Variants in PTPRD observed in about 807,000 individuals in gnomAD.
PTPRD encodes receptor-type tyrosine-protein phosphatase delta.
Under a neutral mutation model 214.5 loss-of-function variants are expected in PTPRD, and 34 were observed. The ratio of observed to expected loss-of-function variants is 0.16; its 90% CI spans 0.12 to 0.21. The LOEUF (loss-of-function observed/expected upper bound fraction) is 0.21, where lower values mean the gene tolerates loss of function less well. Ranked by LOEUF, PTPRD falls within the 10% of genes least tolerant of loss-of-function variation. PTPRD has a pLI of 1.00. For missense variants in PTPRD, 2,545 were observed against 2,398.7 expected (o/e 1.06, Z -1.27); for synonymous variants, 1,128 against 845.7 (o/e 1.33, Z -5.79).
chr9:8,413,331 T>C (rs2093670696), intron 35 of PTPRD, among the ~76,000 whole-genome samples: 1 of 152,174 alleles, frequency 6.6e-6, no homozygotes, highest in Admixed American at 6.5e-5. Flanking sequence ...AATTAACTTT[T>C]GTTAATGTTC....
At chr9:10,249,874 A>G (rs758409296) in intron 3 of PTPRD, among the ~76,000 whole-genome samples, 4 of 152,180 alleles carry the variant, frequency 2.6e-5, no homozygotes, top group African/African-American at 9.6e-5. Flanking sequence ...AATGACTGCT[A>G]CATTTGAAAA....
chr9:8,317,568 T>C lies in PTPRD; in HGVS notation c.*306A>G, dbSNP rs891150390. 4.4e-5 allele frequency: 14 copies of C among 319,544 alleles called. No homozygotes were observed. The South Asian group carries it at 5.2e-4, about 12-fold the overall frequency. The allele number at this position is 319,544 out of a possible 1,614,324, so 19.8% of individuals were successfully genotyped here. A position where few individuals can be genotyped will look rare whatever the true frequency, so the allele number is the denominator to read the frequency against. On this transcript the variant is annotated 3_prime_UTR_variant, in exon 46 of 46. Transcript: ENST00000381196. ...ACCTTTCAAGCAATCCTGAATAAGA[T>C]GGTGGTTCTTTGCTGTGATTTCTTC...
chr9:10,176,699 C>G (rs1233165417), intron 3 of PTPRD, among the ~76,000 whole-genome samples: 1 of 151,952 alleles, frequency 6.6e-6, no homozygotes, highest in Non-Finnish European at 1.5e-5. Flanking sequence ...CAGAGATCCT[C>G]AACCATGTTT....
chr9:8,489,505 A>G (rs184808016), intron 27 of PTPRD, among the ~76,000 whole-genome samples: 1 of 152,308 alleles, frequency 6.6e-6, no homozygotes, highest in African/African-American at 2.4e-5. Flanking sequence ...CAAAGCATAA[A>G]GGAAGGACTC....
chr9:8,414,582 TGGAA>T (rs1208581515), intron 35 of PTPRD, among the ~76,000 whole-genome samples: 13 of 151,478 alleles, frequency 8.6e-5, no homozygotes. Flanking sequence ...TGTGATCAGA[TGGAA>T]GGATAAATAT....
intron 19 of PTPRD, among the ~76,000 whole-genome samples, chr9:8,522,363 G>A (rs1379207295): frequency 3.9e-5 from 6 of 152,140 alleles, no homozygotes; most frequent in Admixed American, 2.0e-4. Flanking sequence ...TTGAAACACA[G>A]GGACTTAGGG....
chr9:8,383,702 T>C (rs772887867), intron 37 of PTPRD, among the ~76,000 whole-genome samples: 3 of 152,150 alleles, frequency 2.0e-5, no homozygotes, highest in Non-Finnish European at 2.9e-5. Context: ...TCATGACTGA[T>C]TTGTTAAGTG....
At chr9:9,898,900 C>CAT (rs1319235847) in intron 5 of PTPRD, among the ~76,000 whole-genome samples, 1 of 151,984 alleles carries the variant, frequency 6.6e-6, no homozygotes, top group Non-Finnish European at 1.5e-5. Context: ...ACGCATATCC[C>CAT]ATATTCTCCA....
chr9:9,555,133 G>A (rs1239696587), intron 8 of PTPRD, among the ~76,000 whole-genome samples: 1 of 152,024 alleles, frequency 6.6e-6, no homozygotes, highest in African/African-American at 2.4e-5. Flanking sequence ...TTAGAAGACT[G>A]TGTTTGTAAT....
chr9:10,131,225 A>C (rs1301868184), intron 3 of PTPRD, among the ~76,000 whole-genome samples: 4 of 152,162 alleles, frequency 2.6e-5, no homozygotes, highest in Non-Finnish European at 5.9e-5. Context: ...AACAGCAATT[A>C]GAGAGTCAAA....
intron 2 of PTPRD, among the ~76,000 whole-genome samples, chr9:10,478,988 T>A (rs1218920538): frequency 6.6e-6 from 1 of 152,094 alleles, no homozygotes; most frequent in Non-Finnish European, 1.5e-5. Flanking sequence ...AATAAAAAGT[T>A]TTTTAAAAGC....
chr9:8,497,199 C>A (rs996458353), intron 26 of PTPRD, 43 bp downstream of exon 26: 1 of 1,524,580 alleles, frequency 6.6e-7, no homozygotes, highest in Admixed American at 2.0e-5. Context: ...AGAAAACAAG[C>A]ATATATAGTC....
At chr9:9,611,424 C>T (rs945361201) in intron 7 of PTPRD, among the ~76,000 whole-genome samples, 8 of 151,780 alleles carry the variant, frequency 5.3e-5, no homozygotes, top group African/African-American at 1.2e-4. Flanking sequence ...TGTTTTGATT[C>T]GTAATTATTT....
intron 3 of PTPRD, among the ~76,000 whole-genome samples, chr9:10,116,529 G>A (rs1274205841): frequency 6.6e-6 from 1 of 151,964 alleles, no homozygotes; most frequent in Non-Finnish European, 1.5e-5. Context: ...CACATTGTTA[G>A]GTTTTTTAGT....
intron 11 of PTPRD, among the ~76,000 whole-genome samples, chr9:8,780,469 G>T (rs2095651239): frequency 6.6e-6 from 1 of 152,176 alleles, no homozygotes; most frequent in African/African-American, 2.4e-5. Context: ...TTTGAGACTA[G>T]GTAATGTTTT....
intron 10 of PTPRD, among the ~76,000 whole-genome samples, chr9:9,146,652 G>C (rs1455740483): frequency 1.3e-5 from 2 of 152,194 alleles, no homozygotes; most frequent in African/African-American, 2.4e-5. Flanking sequence ...AGATGTGTTT[G>C]AAGTTCCAAA....
At chr9:8,363,477 C>CA (rs147135893) in intron 39 of PTPRD, among the ~76,000 whole-genome samples, 10,355 of 152,078 alleles carry the variant, frequency 0.068, 463 homozygotes, top group Middle Eastern at 0.14. Flanking sequence ...GCAACAACAA[C>CA]AAAAAAGATC....
chr9:10,203,049 G>T (rs1212299016), intron 3 of PTPRD, among the ~76,000 whole-genome samples: 6 of 152,072 alleles, frequency 3.9e-5, no homozygotes, highest in Admixed American at 3.9e-4. Context: ...CAGAGATAAA[G>T]ATTATAGTTA....
intron 3 of PTPRD, among the ~76,000 whole-genome samples, chr9:10,282,776 C>G (rs1734165308): frequency 6.6e-6 from 1 of 152,038 alleles, no homozygotes; most frequent in Non-Finnish European, 1.5e-5. Flanking sequence ...GCTTCAAAGA[C>G]AGCCATAAAT....
Sources: gnomAD v4.1 joint callset for allele counts (sites outside exome capture counted in the v4.1 genomes callset) on GRCh38, gnomAD v4.1.1 for gene constraint, MANE v1.5 for transcripts, NCBI Gene and HGNC (gene_info 2026-07-23, HGNC 2026-07-21) for gene names.